Variants in GRIK2 observed in about 807,000 individuals in gnomAD.
GRIK2 encodes the protein glutamate ionotropic receptor kainate type subunit 2.
A neutral mutation model predicts 100.3 loss-of-function variants in GRIK2; 32 were observed. That is an observed-to-expected ratio of 0.32 (90% CI 0.24 to 0.43). The LOEUF is 0.43. GRIK2 is among the 20% of genes least tolerant of loss of function. The probability of loss-of-function intolerance (pLI) is 1.00; values close to 1 mark genes in which losing one functional copy is unlikely to be tolerated. For missense variants in GRIK2, 843 were observed against 1,114.9 expected (o/e 0.76, Z 3.47); for synonymous variants, 417 against 389.4 (o/e 1.07, Z -0.83).
chr6:101,701,895 G>A (rs984885620), intron 7 of GRIK2, among the ~76,000 whole-genome samples: 2 of 151,992 alleles, frequency 1.3e-5, no homozygotes, highest in Admixed American at 6.6e-5. Flanking sequence ...TTAAGGACCA[G>A]TAGAAGTTCT....
intron 10 of GRIK2, among the ~76,000 whole-genome samples, chr6:101,823,907 G>A (rs116998667): frequency 0.021 from 2,955 of 142,946 alleles, 48 homozygotes; most frequent in Middle Eastern, 0.043. Context: ...TCGCTCTGTC[G>A]CCCAGGCTGC....
chr6:101,495,398 C>T lies in GRIK2; in HGVS notation c.115+96006C>T, dbSNP rs1364022856. ...GCGGGCACCTGTAGTCCCAGCTACTCGGGAGGCTGAGGCAGGAGAATGGCG... is the reference window on the plus strand; with the variant it reads ...GCGGGCACCTGTAGTCCCAGCTACTTGGGAGGCTGAGGCAGGAGAATGGCG... On this transcript the variant is annotated intron_variant, in intron 2 of 16. Coordinates refer to ENST00000369134, the MANE Select transcript of GRIK2 (RefSeq NM_021956.5). 6.6e-5 allele frequency among the ~76,000 whole-genome samples: 10 copies of T among 151,884 alleles called. No individual in the cohort carries two copies. The South Asian group carries it at 1.5e-3, about 22-fold the overall frequency.
At chr6:101,893,878 A>G (rs897869413) in intron 12 of GRIK2, among the ~76,000 whole-genome samples, 2 of 151,766 alleles carry the variant, frequency 1.3e-5, no homozygotes, top group East Asian at 1.9e-4. Context: ...GGCAATATAT[A>G]TCTATTACCC....
chr6:101,433,733 C>G (rs1769555807), intron 2 of GRIK2, among the ~76,000 whole-genome samples: 1 of 151,928 alleles, frequency 6.6e-6, no homozygotes, highest in African/African-American at 2.4e-5. Context: ...AGAGCAATGG[C>G]CCATAGAGAT....
At chr6:101,805,626 T>A (rs1342825598) in intron 9 of GRIK2, among the ~76,000 whole-genome samples, 6 of 152,018 alleles carry the variant, frequency 3.9e-5, no homozygotes, top group Non-Finnish European at 8.8e-5. Flanking sequence ...GGAAGGAATG[T>A]CTGTTTTATG....
rs150179683 is a variant in GRIK2 at position 101,735,996 on chromosome 6, C to T, written c.951+49643C>T. Among the ~76,000 whole-genome samples, 1,465 of 152,272 alleles carry T rather than the reference C, an allele frequency of 9.6e-3. 13 individuals are homozygous for T. Among genetic ancestry groups the T allele is most frequent in the Non-Finnish European group, 0.016 (1,082 of 68,016 alleles). ...TACAGTCATTCCAAAAGGGAGAAAT[C>T]GGCCCAAAACAAAGGGGCTACAGGC... On this transcript the variant is annotated intron_variant, in intron 7 of 16. Transcript: ENST00000369134.
chr6:101,426,079 T>C (rs1406613326), intron 2 of GRIK2, among the ~76,000 whole-genome samples: 1 of 152,222 alleles, frequency 6.6e-6, no homozygotes, highest in Non-Finnish European at 1.5e-5. Context: ...TTGTGATCAT[T>C]ACATCTTTTC....
chr6:101,471,488 GA>G (rs1309448171), intron 2 of GRIK2, among the ~76,000 whole-genome samples: 1 of 151,858 alleles, frequency 6.6e-6, no homozygotes, highest in Non-Finnish European at 1.5e-5. Flanking sequence ...TTGACTACTG[GA>G]ATCTAATTAT....
intron 2 of GRIK2, among the ~76,000 whole-genome samples, chr6:101,453,545 G>T (rs1292927285): frequency 6.6e-6 from 1 of 151,928 alleles, no homozygotes; most frequent in Non-Finnish European, 1.5e-5. Context: ...CAAAAAATGT[G>T]CTTGAACTGT....
At chr6:101,971,296 T>C (rs1177134201) in intron 14 of GRIK2, among the ~76,000 whole-genome samples, 1 of 152,058 alleles carries the variant, frequency 6.6e-6, no homozygotes, top group Non-Finnish European at 1.5e-5. Context: ...TCTGCAACAG[T>C]GATATATGTG....
chr6:101,689,247 GT>G (rs1771924279), intron 7 of GRIK2, among the ~76,000 whole-genome samples: 1 of 152,030 alleles, frequency 6.6e-6, no homozygotes, highest in Non-Finnish European at 1.5e-5. Context: ...AGATCTCAGT[GT>G]TTATGTATCT....
chr6:101,533,736 A>G (rs1196329980), intron 2 of GRIK2, among the ~76,000 whole-genome samples: 1 of 151,928 alleles, frequency 6.6e-6, no homozygotes, highest in East Asian at 1.9e-4. Flanking sequence ...TTTGAATGTA[A>G]GTGCCTAGGT....
intron 2 of GRIK2, among the ~76,000 whole-genome samples, chr6:101,481,226 T>G (rs1381611438): frequency 1.3e-5 from 2 of 152,178 alleles, no homozygotes; most frequent in Non-Finnish European, 2.9e-5. Context: ...GAAACCTGTT[T>G]TTTTGTTTTA....
chr6:101,828,763 T>C (rs1253034839), intron 10 of GRIK2, among the ~76,000 whole-genome samples: 1 of 151,782 alleles, frequency 6.6e-6, no homozygotes, highest in Non-Finnish European at 1.5e-5. Flanking sequence ...AGCAAAGGAA[T>C]TGAATCATTA....
chr6:101,917,143 T>G (rs923217787), intron 12 of GRIK2, among the ~76,000 whole-genome samples: 5 of 151,682 alleles, frequency 3.3e-5, no homozygotes, highest in Non-Finnish European at 7.4e-5. Context: ...TCAGGCCATT[T>G]ATGGGTTAAA....
intron 7 of GRIK2, among the ~76,000 whole-genome samples, chr6:101,741,294 A>G (rs750821459): frequency 2.6e-5 from 4 of 152,206 alleles, no homozygotes; most frequent in Non-Finnish European, 4.4e-5. Flanking sequence ...TAGACCAACT[A>G]TTACTAGAGT....
intron 4 of GRIK2, among the ~76,000 whole-genome samples, chr6:101,676,279 T>C (rs978347229): frequency 6.6e-6 from 1 of 152,168 alleles, no homozygotes; most frequent in Non-Finnish European, 1.5e-5. Flanking sequence ...ATTTAAGTTA[T>C]TTATATTAAC....
chr6:102,055,278 T>C, intron 15 of GRIK2, 52 bp from the exon 16 acceptor site: 1 of 1,425,944 alleles, frequency 7.0e-7, no homozygotes, highest in Non-Finnish European at 9.7e-7. Context: ...TAACCTTTAA[T>C]TATGAAATTT....
intron 14 of GRIK2, among the ~76,000 whole-genome samples, chr6:102,016,924 C>T (rs144466314): frequency 6.8e-4 from 104 of 152,224 alleles, no homozygotes; most frequent in Admixed American, 3.1e-3. Flanking sequence ...TAGCAGTGGA[C>T]ACCTCAGCAG....
Sources: gnomAD v4.1 joint callset for allele counts (sites outside exome capture counted in the v4.1 genomes callset) on GRCh38, gnomAD v4.1.1 for gene constraint, MANE v1.5 for transcripts, NCBI Gene and HGNC (gene_info 2026-07-23, HGNC 2026-07-21) for gene names.